TGM5: variants seen among roughly 807,000 people sequenced by gnomAD.
TGM5 encodes protein-glutamine gamma-glutamyltransferase 5.
TGM5 carries 69 observed loss-of-function variants against 77.2 expected under a neutral mutation model. The observed-to-expected ratio is 0.89, with a 90% CI of 0.74 to 1.09. TGM5 has a LOEUF of 1.09. TGM5 is among the 50% of genes least tolerant of loss of function. The pLI, the probability that TGM5 is intolerant of heterozygous loss-of-function variation, is 0.00. For synonymous variants in TGM5, 346 were observed against 351.8 expected, an observed-to-expected ratio of 0.98 and a Z score of 0.18; for missense variants, 842 against 896.5, an observed-to-expected ratio of 0.94 and a Z score of 0.78.
At chr15:43,261,223 G>A (rs1215831194) in intron 1 of TGM5, among the ~76,000 whole-genome samples, 1 of 151,486 alleles carries the variant, frequency 6.6e-6, no homozygotes, top group Non-Finnish European at 1.5e-5. Context: ...CCGAGTAGCT[G>A]GGGCTACAGG....
chr15:43,257,737 CAAA>C (rs1223677964), intron 3 of TGM5, among the ~76,000 whole-genome samples: 1 of 152,116 alleles, frequency 6.6e-6, no homozygotes, highest in Admixed American at 6.5e-5. Flanking sequence ...GGCATATACC[CAAA>C]GGATTATAAA....
In TGM5 at chr15:43,240,991, C is replaced by A. The variant is rs2042632032; in HGVS notation, c.863-1G>T. 14 of 1,614,126 alleles carry A rather than the reference C, an allele frequency of 8.7e-6. No homozygotes were observed. Among genetic ancestry groups the A allele is most frequent in the Non-Finnish European group, 1.0e-5 (12 of 1,180,014 alleles). On this transcript the variant is annotated splice_acceptor_variant, in intron 6 of 12. Transcript: ENST00000220420. LOFTEE classifies it high-confidence loss of function. Reference sequence around the variant, plus strand: ...GTAGGGATCCCCAGACACCTCATCACTGCAAAAAGGGCACAAAAAAATCAC... The same window carrying A: ...GTAGGGATCCCCAGACACCTCATCAATGCAAAAAGGGCACAAAAAAATCAC...
intron 6 of TGM5, among the ~76,000 whole-genome samples, chr15:43,247,240 T>G (rs1288591674): frequency 1.3e-5 from 2 of 148,830 alleles, no homozygotes; most frequent in African/African-American, 4.9e-5. Flanking sequence ...CCACACAAAG[T>G]CCTTTAAAGG....
chr15:43,260,674 T>G (rs1372325744), intron 1 of TGM5, 95 bp from the exon 2 acceptor site: 2 of 1,345,668 alleles, frequency 1.5e-6, no homozygotes, highest in South Asian at 2.4e-5. Flanking sequence ...GAAAGTAACT[T>G]AGCTTGAGCC....
chr15:43,251,156 AT>A (rs1460188284), intron 6 of TGM5, among the ~76,000 whole-genome samples: 1 of 152,040 alleles, frequency 6.6e-6, no homozygotes, highest in African/African-American at 2.4e-5. Context: ...CTTCACCCAA[AT>A]ATTCATGACA....
chr15:43,262,644 G>A (rs1275302573), intron 1 of TGM5, among the ~76,000 whole-genome samples: 2 of 152,138 alleles, frequency 1.3e-5, no homozygotes, highest in Non-Finnish European at 2.9e-5. Context: ...AGTTAGCCGG[G>A]CGTGGTGGTG....
chr15:43,240,241 G>A (rs1295782964), intron 7 of TGM5, among the ~76,000 whole-genome samples: 1 of 152,178 alleles, frequency 6.6e-6, no homozygotes, highest in Non-Finnish European at 1.5e-5. Context: ...CCCATATTGG[G>A]AAGGAAGGAA....
intron 6 of TGM5, 167 bp from the exon 7 acceptor site, chr15:43,241,157 C>T: frequency 1.1e-6 from 1 of 886,982 alleles, no homozygotes; most frequent in Non-Finnish European, 1.8e-6. Context: ...TCCTTCCCCA[C>T]TTCTGGAGCT....
chr15:43,264,438 A>T (rs900188167), intron 1 of TGM5, among the ~76,000 whole-genome samples: 2 of 151,654 alleles, frequency 1.3e-5, no homozygotes, highest in African/African-American at 2.4e-5. Flanking sequence ...ATCCAGCTAT[A>T]AAAAAAAAGA....
At chr15:43,259,001 C>T (rs955860426) in intron 3 of TGM5, among the ~76,000 whole-genome samples, 14 of 152,088 alleles carry the variant, frequency 9.2e-5, no homozygotes, top group African/African-American at 3.1e-4. Context: ...TGGTTAGAGG[C>T]GTTAGAACCC....
intron 6 of TGM5, among the ~76,000 whole-genome samples, chr15:43,243,686 C>G (rs1402452667): frequency 6.6e-6 from 1 of 152,226 alleles, no homozygotes. Flanking sequence ...CCGACTATGG[C>G]TTTCTCTCCC....
intron 1 of TGM5, among the ~76,000 whole-genome samples, chr15:43,264,461 C>T (rs1384084830): frequency 6.6e-6 from 1 of 151,952 alleles, no homozygotes; most frequent in Non-Finnish European, 1.5e-5. Flanking sequence ...GCTGAACATA[C>T]TAAATATGGA....
In TGM5 at chr15:43,253,625, T is replaced by C. The variant is rs762554434; in HGVS notation, c.565A>G (p.Lys189Glu). 4 of 1,613,294 alleles carry C rather than the reference T, an allele frequency of 2.5e-6. No individual in the cohort carries two copies. Among genetic ancestry groups the C allele is most frequent in the Admixed American group, 3.3e-5 (2 of 60,010 alleles). Reference sequence around the variant, plus strand: ...AGCTTCAGGCAGATGTCTATGATTTTGTCTTCAAACTTCGGGGGGAGAGGC... The same window carrying C: ...AGCTTCAGGCAGATGTCTATGATTTCGTCTTCAAACTTCGGGGGGAGAGGC... ...CPWNYGQFED[K>E]IIDICLKLLD... Residue 189 changes from lysine (K) to glutamate (E), a missense_variant, in exon 5 of 13, where the codon AAA (lysine) becomes GAA (glutamate). Lys to Glu is a moderately conservative substitution (Grantham distance 56). Around this residue, in one of 2 missense-constraint regions of TGM5, gnomAD observed 815 missense variants for 844.6 expected, o/e 0.96. Transcript: ENST00000220420.
chr15:43,264,360 A>T (rs1384484237), intron 1 of TGM5, among the ~76,000 whole-genome samples: 1 of 152,192 alleles, frequency 6.6e-6, no homozygotes, highest in Non-Finnish European at 1.5e-5. Flanking sequence ...AATAGCCAAA[A>T]AGTAGAAACA....
intron 1 of TGM5, among the ~76,000 whole-genome samples, chr15:43,262,139 A>G (rs2042794313): frequency 6.6e-6 from 1 of 152,068 alleles, no homozygotes; most frequent in South Asian, 2.1e-4. Flanking sequence ...CTGTCCTCCA[A>G]TACCTACCTG....
intron 8 of TGM5, 53 bp from the exon 9 acceptor site, chr15:43,239,109 G>T: frequency 6.2e-7 from 1 of 1,614,164 alleles, no homozygotes; most frequent in Non-Finnish European, 8.5e-7. Context: ...GGCTGGGCAG[G>T]GGTGGGGTGC....
chr15:43,263,855 C>A (rs538943447), intron 1 of TGM5, among the ~76,000 whole-genome samples: 1 of 152,088 alleles, frequency 6.6e-6, no homozygotes, highest in Non-Finnish European at 1.5e-5. Flanking sequence ...TCAAGAACAT[C>A]GTCAAGAAAG....
chr15:43,259,427 T>A, intron 3 of TGM5, among the ~76,000 whole-genome samples: 1 of 149,226 alleles, frequency 6.7e-6, no homozygotes. Context: ...GATAGGAAAA[T>A]GTGCCCAAAG....
intron 9 of TGM5, among the ~76,000 whole-genome samples, chr15:43,238,128 G>A (rs968763893): frequency 1.3e-5 from 2 of 152,108 alleles, no homozygotes; most frequent in South Asian, 4.1e-4. Context: ...CCCAGCAACT[G>A]CTCAGCCCTC....
Sources: allele counts gnomAD v4.1 joint callset (sites outside exome capture counted in the v4.1 genomes callset), GRCh38; gene constraint gnomAD v4.1.1; regional missense constraint gnomAD v4.1.1; transcripts MANE v1.5; gene names NCBI Gene and HGNC (gene_info 2026-07-23, HGNC 2026-07-21).